Variants in CD44 observed in about 807,000 individuals in gnomAD.
CD44 encodes CD44 antigen.
CD44 carries 49 observed loss-of-function variants against 88.8 expected under a neutral mutation model. The observed-to-expected ratio is 0.55, with a 90% CI of 0.44 to 0.70. The LOEUF is 0.70. CD44 is among the 30% of genes least tolerant of loss of function. The pLI, the probability that CD44 is intolerant of heterozygous loss-of-function variation, is 0.00. For synonymous variants in CD44, 325 were observed against 312.3 expected (o/e 1.04, Z -0.43); for missense variants, 883 against 913.8 (o/e 0.97, Z 0.43).
chr11:35,154,250 G>T (rs564440926), intron 1 of CD44, among the ~76,000 whole-genome samples: 1 of 152,256 alleles, frequency 6.6e-6, no homozygotes, highest in African/African-American at 2.4e-5. Context: ...GGTTTTATTA[G>T]TGTACATTTA....
chr11:35,228,202 C>T (rs527436672), intron 17 of CD44, among the ~76,000 whole-genome samples: 39 of 152,240 alleles, frequency 2.6e-4, no homozygotes, highest in South Asian at 4.1e-4. Flanking sequence ...AGATCAAGGT[C>T]GTACTCTTCC....
chr11:35,204,582 G>T lies in CD44; in HGVS notation c.1224G>T (p.Trp408Cys). Residue 408 changes from tryptophan to cysteine, a missense_variant, in exon 10 of 18, where the codon TGG (tryptophan) becomes TGT (cysteine). Around this residue, in one of 2 missense-constraint regions of CD44, gnomAD observed 631 missense variants for 590.9 expected, o/e 1.07. Transcript: ENST00000428726. ...AGGAACAGTGGTTTGGCAACAGATG[G>T]CATGAGGGATATCGCCAAACACCCA... ...TQKEQWFGNR[W>C]HEGYRQTPKE... is the part of the protein sequence containing the mutation. 1.2e-6 allele frequency: 2 copies of T among 1,613,026 alleles called. No homozygotes were observed.
At chr11:35,187,311 A>G (rs920096658) in intron 4 of CD44, among the ~76,000 whole-genome samples, 4 of 152,130 alleles carry the variant, frequency 2.6e-5, no homozygotes, top group African/African-American at 9.7e-5. Flanking sequence ...CATTTCCCTA[A>G]GACTAAGTAA....
intron 13 of CD44, 160 bp downstream of exon 13, chr11:35,210,214 T>C: frequency 2.0e-6 from 1 of 498,390 alleles, no homozygotes; most frequent in Non-Finnish European, 3.5e-6. Context: ...GATTTTTCTG[T>C]TTTATATACC....
At chr11:35,217,355 A>AG (rs1394105804) in intron 15 of CD44, among the ~76,000 whole-genome samples, 1 of 147,954 alleles carries the variant, frequency 6.8e-6, no homozygotes, top group Non-Finnish European at 1.5e-5. Flanking sequence ...GAGTCAGAAA[A>AG]GAAAAAAAAA....
At chr11:35,148,755 C>T (rs1004746780) in intron 1 of CD44, among the ~76,000 whole-genome samples, 1 of 152,206 alleles carries the variant, frequency 6.6e-6, no homozygotes, top group East Asian at 1.9e-4. Context: ...ATAGTGGGTG[C>T]TCAATAAACA....
At chr11:35,180,740 A>C (rs927358871) in intron 3 of CD44, among the ~76,000 whole-genome samples, 11 of 152,290 alleles carry the variant, frequency 7.2e-5, no homozygotes, top group Middle Eastern at 3.4e-3. Context: ...AAATCACACA[A>C]AAAAAATCTC....
At position 35,219,475 on chromosome 11, in the gene CD44, C is replaced by G. The variant is rs1949114153; in HGVS notation, c.1945+88C>G. 8.1e-6 allele frequency: 7 copies of G among 867,126 alleles called. No homozygotes were observed. In the South Asian group the frequency reaches 8.4e-5, roughly 10 times the overall value. 53.7% of individuals were successfully genotyped at this position (867,126 alleles called of 1,614,324 possible). A position where few individuals can be genotyped will look rare whatever the true frequency, so the allele number is the denominator to read the frequency against. ...AAGGACGAAGAGACTCATTTGAAAG[C>G]ACATTCTCCACAATGCCCAACATAT... On this transcript the variant is annotated intron_variant, in intron 16 of 17. Transcript: ENST00000428726.
At chr11:35,153,627 C>G (rs191991037) in intron 1 of CD44, among the ~76,000 whole-genome samples, 1 of 152,228 alleles carries the variant, frequency 6.6e-6, no homozygotes, top group Non-Finnish European at 1.5e-5. Flanking sequence ...GAGGCATAGT[C>G]TCCTCTCTCC....
chr11:35,191,196 A>G (rs1021769272), intron 5 of CD44, among the ~76,000 whole-genome samples: 1 of 152,192 alleles, frequency 6.6e-6, no homozygotes, highest in Non-Finnish European at 1.5e-5. Context: ...TACTCAAGAC[A>G]GGGCCCTTCT....
chr11:35,224,317 C>G (rs1349418085), intron 17 of CD44, among the ~76,000 whole-genome samples: 1 of 152,162 alleles, frequency 6.6e-6, no homozygotes, highest in Non-Finnish European at 1.5e-5. Context: ...TCACCTGACT[C>G]CTTGAGTTAC....
intron 16 of CD44, 80 bp from the exon 17 acceptor site, chr11:35,221,574 G>A: frequency 8.3e-7 from 1 of 1,199,018 alleles, no homozygotes; most frequent in South Asian, 1.2e-5. Context: ...GTTTCAACTA[G>A]GTCAATTATA....
intron 5 of CD44, chr11:35,190,550 C>T (rs923047493): frequency 3.5e-5 from 6 of 171,926 alleles, no homozygotes; most frequent in Non-Finnish European, 5.0e-5. Flanking sequence ...GCAATCAGAC[C>T]TTGGTGATGA....
At chr11:35,166,574 T>C (rs1943296150) in intron 1 of CD44, among the ~76,000 whole-genome samples, 1 of 152,188 alleles carries the variant, frequency 6.6e-6, no homozygotes, top group Non-Finnish European at 1.5e-5. Flanking sequence ...CCCTTGGGAT[T>C]CTTCTCCAAT....
At chr11:35,181,952 A>ATTATATAT (rs1945155283) in intron 3 of CD44, among the ~76,000 whole-genome samples, 3 of 88,066 alleles carry the variant, frequency 3.4e-5, no homozygotes, top group African/African-American at 1.4e-4. Context: ...TATAATATAT[A>ATTATATAT]TAAATTTTAT....
Position 35,196,768 on chromosome 11 carries a change from A to G in CD44, c.690A>G (p.Thr230=), listed in dbSNP as rs1946798202. ...PATTLMSTSA[T]ATETATKRQE... ...CAGCTTTGATGAGCACTAGTGCTAC[A>G]GCAACTGAGACAGCAACCAAGAGGC... The change falls in exon 6 of 18, where the codon ACA becomes ACG. Residue 230 remains threonine (T), a synonymous_variant. Coordinates refer to ENST00000428726, the MANE Select transcript of CD44 (RefSeq NM_000610.4). The G allele has an allele frequency of 1.2e-6, 2 of 1,613,748 alleles. No homozygotes were observed. Among genetic ancestry groups the G allele is most frequent in the Non-Finnish European group, 1.7e-6 (2 of 1,179,788 alleles).
intron 17 of CD44, chr11:35,222,274 C>T (rs1949362349): frequency 3.8e-6 from 2 of 524,724 alleles, no homozygotes; most frequent in Admixed American, 5.1e-5. Context: ...AAGTATTGGC[C>T]TTGTGCTTTT....
In CD44 at chr11:35,189,932, G is replaced by A. The variant is rs761769817; in HGVS notation, c.534G>A (p.Val178=). The A allele has an allele frequency of 3.1e-6, 5 of 1,614,134 alleles. No homozygotes were observed. The East Asian group carries it at 6.7e-5, about 22-fold the overall frequency. Residue 178 remains valine, a synonymous_variant, in exon 5 of 18, where the codon GTG becomes GTA. Coordinates refer to ENST00000428726, the MANE Select transcript of CD44 (RefSeq NM_000610.4). ...CCAGCAACCCTACTGATGATGACGTGAGCAGCGGCTCCTCCAGTGAAAGGA... is the reference window on the plus strand; with the variant it reads ...CCAGCAACCCTACTGATGATGACGTAAGCAGCGGCTCCTCCAGTGAAAGGA... ...IYPSNPTDDD[V]SSGSSSERSS...
chr11:35,165,489 T>C (rs1346218268), intron 1 of CD44, among the ~76,000 whole-genome samples: 1 of 152,136 alleles, frequency 6.6e-6, no homozygotes, highest in African/African-American at 2.4e-5. Context: ...TGAAAGTGCT[T>C]TATAATTGGT....
Sources: allele counts gnomAD v4.1 joint callset (sites outside exome capture counted in the v4.1 genomes callset), GRCh38; gene constraint gnomAD v4.1.1; regional missense constraint gnomAD v4.1.1; transcripts MANE v1.5; gene names NCBI Gene and HGNC (gene_info 2026-07-23, HGNC 2026-07-21).